Variants in ZNF676 observed in about 807,000 individuals in gnomAD.
The protein encoded by ZNF676 is zinc finger protein 676.
A neutral mutation model predicts 6.0 loss-of-function variants in ZNF676; 4 were observed. The observed-to-expected ratio is 0.67, with a 90% CI of 0.33 to 1.53. ZNF676 has a LOEUF of 1.53. Among genes scored for constraint, ZNF676 ranks in the 40% most tolerant of loss-of-function variants. ZNF676 has a pLI of 0.06. For synonymous variants in ZNF676, 198 were observed against 223.1 expected (o/e 0.89, Z 1.00); for missense variants, 644 against 679.7 (o/e 0.95, Z 0.58).
chr19:22,212,918 C>T (rs374297789), intron 1 of ZNF676, among the ~76,000 whole-genome samples: 51 of 150,872 alleles, frequency 3.4e-4, no homozygotes, highest in African/African-American at 1.2e-3. Context: ...TTGCTTTAAT[C>T]CGGGAGGCGG....
At chr19:22,252,794 G>GAACC in the ZNF676 span, among the ~76,000 whole-genome samples, 247 of 152,376 alleles carry the variant, frequency 1.6e-3, 2 homozygotes, top group African/African-American at 5.7e-3. Context: ...TCTATGGGCA[G>GAACC]AACCAAGACA....
chr19:22,233,767 G>A, the ZNF676 span, among the ~76,000 whole-genome samples: 1 of 151,776 alleles, frequency 6.6e-6, no homozygotes, highest in Non-Finnish European at 1.5e-5. Context: ...TGACCATTTT[G>A]TTCATGGACC....
the ZNF676 span, chr19:22,259,883 C>A: frequency 6.6e-6 from 1 of 152,174 alleles, no homozygotes; most frequent in Non-Finnish European, 1.5e-5. Flanking sequence ...AGAATCATAT[C>A]ACCTTAGTTA....
At chr19:22,185,227 G>A (rs1016339802) in intron 2 of ZNF676, among the ~76,000 whole-genome samples, 7 of 152,156 alleles carry the variant, frequency 4.6e-5, no homozygotes, top group Admixed American at 1.3e-4. Context: ...AGGAAAAAGG[G>A]TCTGGAGTGG....
At chr19:22,184,289 T>G (rs1599710435) in intron 2 of ZNF676, among the ~76,000 whole-genome samples, 1 of 151,936 alleles carries the variant, frequency 6.6e-6, no homozygotes, top group South Asian at 2.1e-4. Context: ...AAAGGAAGGG[T>G]TTAGGGACTG....
In ZNF676 at chr19:22,184,826, G is replaced by GAAAAAAAAAAAA. The variant is rs144833243; in HGVS notation, c.131-3252_131-3241dup. Reference sequence around the variant, plus strand: ...CCTCCTCTTTGGGCAGGGCATCTTTGAAAAAAAAAAAAAAAAAAAAAAAAA... The same window carrying GAAAAAAAAAAAA: ...CCTCCTCTTTGGGCAGGGCATCTTTGAAAAAAAAAAAAAAAAAAAAAAAAAAAAAAAAAAAAA... On this transcript the variant is annotated intron_variant, in intron 2 of 2. Transcript: ENST00000397121. Among the ~76,000 whole-genome samples, 51 of 52,688 alleles carry GAAAAAAAAAAAA rather than the reference G, an allele frequency of 9.7e-4. 2 individuals carry two copies. The highest frequency in any genetic ancestry group is 3.9e-3 in the African/African-American group (49 of 12,570). The allele number at this position is 52,688 out of a possible 152,430, so 34.6% of individuals were successfully genotyped here.
the ZNF676 span, among the ~76,000 whole-genome samples, chr19:22,228,588 T>C: frequency 1.3e-5 from 2 of 152,156 alleles, no homozygotes; most frequent in African/African-American, 4.8e-5. Flanking sequence ...GATGACATGA[T>C]TGTATGTTGA....
At chr19:22,200,062 G>A (rs1215917711), upstream of ZNF676, among the ~76,000 whole-genome samples, 1 of 152,114 alleles carries the variant, frequency 6.6e-6, no homozygotes, top group Non-Finnish European at 1.5e-5. Context: ...CAGGGCTGGG[G>A]CAGAGTGTAG....
At chr19:22,257,148 A>C in the ZNF676 span, among the ~76,000 whole-genome samples, 1 of 152,092 alleles carries the variant, frequency 6.6e-6, no homozygotes, top group Non-Finnish European at 1.5e-5. Context: ...AGGCAGGAGA[A>C]TCACATCACC....
chr19:22,219,245 C>G (rs2024224901), upstream of ZNF676, among the ~76,000 whole-genome samples: 1 of 151,886 alleles, frequency 6.6e-6, no homozygotes, highest in Non-Finnish European at 1.5e-5. Context: ...ATTACAGCCA[C>G]TTGCCACTGC....
Position 22,189,726 on chromosome 19 carries a change from CTTCTCAAAAGAAGACAT to C in ZNF676, c.130+3273_130+3289del, listed in dbSNP as rs1400147395. Among the ~76,000 whole-genome samples, 3 of 152,214 alleles carry C rather than the reference CTTCTCAAAAGAAGACAT, an allele frequency of 2.0e-5. No individual in the cohort carries two copies. The East Asian group carries it at 5.8e-4, about 29-fold the overall frequency. On this transcript the variant is annotated intron_variant, in intron 2 of 2. Transcript: ENST00000397121. ...ATTGGGCAAAGGATATGAACAGACA[CTTCTCAAAAGAAGACAT>C]TTATGCAGCGAACAGACACATGAAA...
rs71180523 is a variant in ZNF676 at position 22,206,056 on chromosome 19, AACACACACACAC to A, written c.4-9342_4-9331del. Among the ~76,000 whole-genome samples the A allele has an allele frequency of 1.3e-3, 186 of 146,606 alleles. 1 individual carries two copies. Among genetic ancestry groups the A allele is most frequent in the African/African-American group, 3.9e-3 (158 of 40,074 alleles). On this transcript the variant is annotated intron_variant, in intron 1 of 3. Transcript: ENST00000650058. ...GAACAAATACATCCTCCCAAAACTCAACACACACACACACACACACACACACACACACACAAA... is the reference window on the plus strand; with the variant it reads ...GAACAAATACATCCTCCCAAAACTCAACACACACACACACACACACACAAA...
At chr19:22,242,896 C>T in the ZNF676 span, among the ~76,000 whole-genome samples, 1 of 151,866 alleles carries the variant, frequency 6.6e-6, no homozygotes, top group Middle Eastern at 3.4e-3. Flanking sequence ...CTGAGCTAAA[C>T]AATGCATCAC....
upstream of ZNF676, among the ~76,000 whole-genome samples, chr19:22,200,910 C>T (rs1385088292): frequency 6.6e-6 from 1 of 151,930 alleles, no homozygotes; most frequent in African/African-American, 2.4e-5. Flanking sequence ...TCTCTTTGAG[C>T]CTCCAGACCT....
At chr19:22,259,757 A>C in the ZNF676 span, 1 of 152,214 alleles carries the variant, frequency 6.6e-6, no homozygotes, top group African/African-American at 2.4e-5. Context: ...TGGGCCCAAC[A>C]ATATGTCACA....
chr19:22,212,359 ATT>A (rs2024137574), intron 1 of ZNF676, among the ~76,000 whole-genome samples: 1 of 152,024 alleles, frequency 6.6e-6, no homozygotes, highest in Non-Finnish European at 1.5e-5. Flanking sequence ...CTTTGTAAAT[ATT>A]TTCTTACCTT....
intron 2 of ZNF676, among the ~76,000 whole-genome samples, chr19:22,184,096 T>G (rs1185358780): frequency 1.3e-5 from 2 of 152,218 alleles, no homozygotes; most frequent in Non-Finnish European, 2.9e-5. Flanking sequence ...AGCTCTGATC[T>G]GCAGCTCCCA....
chr19:22,208,713 C>G (rs1012881049), intron 1 of ZNF676, among the ~76,000 whole-genome samples: 1 of 151,672 alleles, frequency 6.6e-6, no homozygotes, highest in Non-Finnish European at 1.5e-5. Context: ...GGGGGCTGAG[C>G]CAGGTGGATT....
the ZNF676 span, among the ~76,000 whole-genome samples, chr19:22,251,575 G>A: frequency 7.2e-5 from 11 of 152,216 alleles, no homozygotes; most frequent in African/African-American, 2.4e-4. Context: ...AGATCACGAT[G>A]TCAGGGGTTC....
Sources: gnomAD v4.1 joint callset for allele counts (sites outside exome capture counted in the v4.1 genomes callset) on GRCh38, gnomAD v4.1.1 for gene constraint, MANE v1.5 for transcripts, NCBI Gene and HGNC (gene_info 2026-07-23, HGNC 2026-07-21) for gene names.